Variants in REEP5 observed in about 807,000 individuals in gnomAD.
The protein encoded by REEP5 is receptor expression-enhancing protein 5.
Under a neutral mutation model 22.4 loss-of-function variants are expected in REEP5, and 24 were observed. The observed-to-expected ratio is 1.07, with a 90% confidence interval of 0.78 to 1.51. The LOEUF is 1.51. Among genes scored for constraint, REEP5 ranks in the 40% most tolerant of loss-of-function variants. The pLI is 0.00. For synonymous variants in REEP5, 103 were observed against 88.6 expected (o/e 1.16, Z -0.92); for missense variants, 252 against 233.0 (o/e 1.08, Z -0.53).
chr5:112,886,802 C>T (rs1003128455), intron 4 of REEP5, among the ~76,000 whole-genome samples: 1 of 152,176 alleles, frequency 6.6e-6, no homozygotes, highest in Non-Finnish European at 1.5e-5. Flanking sequence ...TGACTGAAGG[C>T]TACATTAAAT....
chr5:112,892,991 G>A (rs781736173), intron 3 of REEP5: 71 of 1,580,214 alleles, frequency 4.5e-5, no homozygotes, highest in Non-Finnish European at 5.3e-5. Flanking sequence ...CACCGCAGCC[G>A]GAGCCAAAGT....
intron 2 of REEP5, among the ~76,000 whole-genome samples, chr5:112,918,334 G>A (rs111737882): frequency 4.6e-5 from 7 of 152,270 alleles, no homozygotes; most frequent in South Asian, 4.2e-4. Context: ...ATGCTCCAAC[G>A]TGCAGCAGAC....
chr5:112,908,248 C>T (rs2150046101), intron 2 of REEP5, among the ~76,000 whole-genome samples: 1 of 151,738 alleles, frequency 6.6e-6, no homozygotes, highest in Non-Finnish European at 1.5e-5. Context: ...TTACAGGCAC[C>T]TGCCACCACG....
chr5:112,876,759 TCTC>T lies in REEP5; in HGVS notation c.*2024_*2026del, dbSNP rs769890660. 3 of 152,126 alleles carry T rather than the reference TCTC, an allele frequency of 2.0e-5. No homozygotes were observed. Among genetic ancestry groups the T allele is most frequent in the Admixed American group, 6.5e-5 (1 of 15,268 alleles). The allele number at this position is 152,126 out of a possible 1,614,324, so 9.4% of individuals were successfully genotyped here. The stretch of plus-strand genomic sequence containing the variant: ...CAACAGAACTGCTCAATTCTTAACT[TCTC>T]CTGCTGTTAACATTTACACTTAGAC... On this transcript the variant is annotated 3_prime_UTR_variant, in exon 5 of 5. Transcript: ENST00000379638.
chr5:112,878,313 T>G lies in REEP5; in HGVS notation c.*473A>C, dbSNP rs1767959021. 1 of 157,080 alleles carries G rather than the reference T, an allele frequency of 6.4e-6. No homozygotes were observed. The highest frequency in any genetic ancestry group is 2.4e-5 in the African/African-American group (1 of 41,498). 9.7% of individuals were successfully genotyped at this position (157,080 alleles called of 1,614,324 possible). ...CCCTCCCCATGAGCATGATGCATGT[T>G]GTAGTCAGACAGTAACATTTCCATA... On this transcript the variant is annotated 3_prime_UTR_variant, in exon 5 of 5. Transcript: ENST00000379638.
At chr5:112,917,067 T>C (rs922759277) in intron 2 of REEP5, among the ~76,000 whole-genome samples, 1 of 152,150 alleles carries the variant, frequency 6.6e-6, no homozygotes, top group Non-Finnish European at 1.5e-5. Flanking sequence ...AAATGACACA[T>C]TACTGAACTG....
In REEP5 at chr5:112,899,284, T is replaced by A. The variant is rs201706450; in HGVS notation, c.351+3096A>T. ...TCGGTTTTTTTTTTTTTGGTCAACA[T>A]GCTGTGATCTGGGAGCCTGGTTAAT... On this transcript the variant is annotated intron_variant, in intron 3 of 4. Transcript: ENST00000379638. Among the ~76,000 whole-genome samples the A allele has an allele frequency of 4.0e-5, 6 of 150,986 alleles. No homozygotes were observed. In the East Asian group the frequency reaches 1.2e-3, roughly 29 times the overall value.
In REEP5 at chr5:112,878,765, G is replaced by A; in HGVS notation, c.*21C>T. ...CAGTAGGAAGGTACAGAGAGGGCAG[G>A]AAGTTTCCATCCAGTCTGGTTTAGG... On this transcript the variant is annotated 3_prime_UTR_variant, in exon 5 of 5. Coordinates refer to ENST00000379638, the MANE Select transcript of REEP5 (RefSeq NM_005669.5). The A allele has an allele frequency of 1.2e-6, 2 of 1,614,068 alleles. No homozygotes were observed. The highest frequency in any genetic ancestry group is 1.7e-6 in the Non-Finnish European group (2 of 1,180,000).
intron 2 of REEP5, among the ~76,000 whole-genome samples, chr5:112,917,973 G>C (rs554170591): frequency 6.6e-6 from 1 of 152,278 alleles, no homozygotes; most frequent in East Asian, 1.9e-4. Context: ...TACTTTAAAA[G>C]TGTACAATTT....
At chr5:112,892,045 GAA>G in intron 3 of REEP5, 1 of 1,504,704 alleles carries the variant, frequency 6.6e-7, no homozygotes, top group South Asian at 1.1e-5. Context: ...GGAGAAGAAA[GAA>G]AAAGAGGAAG....
intron 3 of REEP5, among the ~76,000 whole-genome samples, chr5:112,900,835 A>G (rs1007675011): frequency 6.6e-6 from 1 of 151,864 alleles, no homozygotes; most frequent in African/African-American, 2.4e-5. Flanking sequence ...TTTTAAGAAT[A>G]TATTTCTTTT....
At chr5:112,897,213 T>A (rs1371740307) in intron 3 of REEP5, 1 of 152,190 alleles carries the variant, frequency 6.6e-6, no homozygotes, top group African/African-American at 2.4e-5. Flanking sequence ...CATACATATA[T>A]ATATACACAT....
chr5:112,879,430 A>C (rs1255521556), intron 4 of REEP5, among the ~76,000 whole-genome samples: 1 of 152,106 alleles, frequency 6.6e-6, no homozygotes, highest in African/African-American at 2.4e-5. Flanking sequence ...AATGGCATAC[A>C]TAGTATTTCC....
At position 112,876,913 on chromosome 5, in the gene REEP5, A is replaced by T. The variant is rs1767911875; in HGVS notation, c.*1873T>A. On this transcript the variant is annotated 3_prime_UTR_variant, in exon 5 of 5. Coordinates refer to ENST00000379638, the MANE Select transcript of REEP5 (RefSeq NM_005669.5). ...CATTATGAGCAATAGTAACTTTTGT[A>T]CCTCCTCATCTTGTCTGATAATATA... The T allele has an allele frequency of 6.6e-6, 1 of 152,120 alleles. No individual in the cohort carries two copies. The highest frequency in any genetic ancestry group is 1.5e-5 in the Non-Finnish European group (1 of 68,014). The allele number at this position is 152,120 out of a possible 1,614,324, so 9.4% of individuals were successfully genotyped here. A position where few individuals can be genotyped will look rare whatever the true frequency, so the allele number is the denominator to read the frequency against.
chr5:112,914,264 T>C (rs1769183410), intron 2 of REEP5, among the ~76,000 whole-genome samples: 3 of 151,422 alleles, frequency 2.0e-5, no homozygotes, highest in Admixed American at 2.0e-4. Context: ...GTGTGTGTTT[T>C]TTTGAGACAG....
chr5:112,879,746 G>T (rs1327781175), intron 4 of REEP5, among the ~76,000 whole-genome samples: 1 of 151,960 alleles, frequency 6.6e-6, no homozygotes, highest in African/African-American at 2.4e-5. Context: ...AAAGTGCTGG[G>T]ATTACAGACG....
intron 1 of REEP5, chr5:112,921,602 A>G (rs1035466779): frequency 3.9e-5 from 13 of 330,174 alleles, no homozygotes; most frequent in African/African-American, 2.0e-4. Flanking sequence ...AGCTGCGCTC[A>G]GCGGGGAGCG....
At chr5:112,893,020 C>A in intron 3 of REEP5, 2 of 1,523,172 alleles carry the variant, frequency 1.3e-6, no homozygotes, top group South Asian at 2.2e-5. Context: ...GTGCCGAAGT[C>A]GTGGGAGGAG....
chr5:112,903,649 G>T (rs114995406), intron 2 of REEP5, among the ~76,000 whole-genome samples: 1,787 of 152,278 alleles, frequency 0.012, 9 homozygotes, highest in Middle Eastern at 0.041. Flanking sequence ...AGACAGTCAG[G>T]CTGCTAAATC....
Sources: allele counts gnomAD v4.1 joint callset (sites outside exome capture counted in the v4.1 genomes callset), GRCh38; gene constraint gnomAD v4.1.1; transcripts MANE v1.5; gene names NCBI Gene and HGNC (gene_info 2026-07-23, HGNC 2026-07-21).